The following RASAL2 variants were observed in gnomAD, a reference collection of about 807,000 sequenced individuals.
RASAL2 encodes RAS protein activator like 2, also known as ras GTPase-activating protein nGAP.
Under a neutral mutation model 128.9 loss-of-function variants are expected in RASAL2, and 58 were observed. The observed-to-expected ratio is 0.45, with a 90% CI of 0.36 to 0.56. The LOEUF (loss-of-function observed/expected upper bound fraction) is 0.56, where lower values mean the gene tolerates loss of function less well. Ranked by LOEUF, RASAL2 falls within the 20% of genes least tolerant of loss-of-function variation. RASAL2 has a pLI of 0.00. For missense variants in RASAL2, 1,360 were observed against 1,601.6 expected, an observed-to-expected ratio of 0.85 and a Z score of 2.57; for synonymous variants, 561 against 580.8, an observed-to-expected ratio of 0.97 and a Z score of 0.49.
intron 4 of RASAL2, among the ~76,000 whole-genome samples, chr1:178,407,772 C>T (rs920766098): frequency 1.3e-5 from 2 of 152,154 alleles, no homozygotes; most frequent in South Asian, 2.1e-4. Context: ...TCCCTGTCTC[C>T]GCTTCTCCCT....
chr1:178,416,472 T>C (rs1674764313), intron 4 of RASAL2, among the ~76,000 whole-genome samples: 1 of 152,032 alleles, frequency 6.6e-6, no homozygotes, highest in African/African-American at 2.4e-5. Context: ...CATAATTAAA[T>C]ACATTGTTGT....
intron 1 of RASAL2, among the ~76,000 whole-genome samples, chr1:178,129,909 G>GT (rs1169718990): frequency 1.3e-5 from 2 of 151,818 alleles, no homozygotes; most frequent in East Asian, 1.9e-4. Flanking sequence ...GTGAAAACAT[G>GT]TTTTTTTCTT....
intron 1 of RASAL2, among the ~76,000 whole-genome samples, chr1:178,264,809 G>C (rs765038221): frequency 2.0e-5 from 3 of 152,166 alleles, no homozygotes; most frequent in Non-Finnish European, 2.9e-5. Context: ...TTGGCCATTG[G>C]TGATTAGCTC....
At chr1:178,445,846 T>C (rs1421823500) in intron 9 of RASAL2, among the ~76,000 whole-genome samples, 184 bp downstream of exon 9, 5 of 152,096 alleles carry the variant, frequency 3.3e-5, no homozygotes, top group Admixed American at 1.3e-4. Flanking sequence ...TAATAATAAA[T>C]GTAGAAACAG....
At position 178,372,966 on chromosome 1, in the gene RASAL2, T is replaced by C. The variant is rs1052262539; in HGVS notation, c.458-17134T>C. Among the ~76,000 whole-genome samples the C allele has an allele frequency of 6.1e-4, 93 of 152,268 alleles. 1 individual carries two copies. Among genetic ancestry groups the C allele is most frequent in the Non-Finnish European group, 3.4e-4 (23 of 67,992 alleles). ...CATATCTTAAATGTGATAGAAGAGC[T>C]TGATACTCATTTAAAAACCTATTTG... On this transcript the variant is annotated intron_variant, in intron 3 of 17. Coordinates refer to ENST00000367649, the MANE Select transcript of RASAL2 (RefSeq NM_170692.4).
chr1:178,403,415 T>A (rs1412685425), intron 4 of RASAL2, among the ~76,000 whole-genome samples: 2 of 152,210 alleles, frequency 1.3e-5, no homozygotes, highest in Non-Finnish European at 2.9e-5. Context: ...ATGTGTTTGT[T>A]TTCTGTTTGC....
chr1:178,230,988 C>T (rs1663984395), intron 1 of RASAL2, among the ~76,000 whole-genome samples: 1 of 152,142 alleles, frequency 6.6e-6, no homozygotes. Flanking sequence ...GGAATGTCCT[C>T]AGAAGGTCAT....
In RASAL2 at chr1:178,474,669, T is replaced by C. The variant is rs1430869598; in HGVS notation, c.*1430T>C. Reference sequence around the variant, plus strand: ...ACCAGAAGTATGGAAGGTTACATGTTAAACAGACATTATATATACAAATAT... The same window carrying C: ...ACCAGAAGTATGGAAGGTTACATGTCAAACAGACATTATATATACAAATAT... On this transcript the variant is annotated 3_prime_UTR_variant, in exon 18 of 18. Coordinates refer to ENST00000367649, the MANE Select transcript of RASAL2 (RefSeq NM_170692.4). The C allele has an allele frequency of 6.6e-6, 1 of 151,770 alleles. No homozygotes were observed. The highest frequency in any genetic ancestry group is 2.4e-5 in the African/African-American group (1 of 41,350). 9.4% of individuals were successfully genotyped at this position (151,770 alleles called of 1,614,324 possible). A position where few individuals can be genotyped will look rare whatever the true frequency, so the allele number is the denominator to read the frequency against.
chr1:178,347,561 T>G (rs1670216416), intron 3 of RASAL2, among the ~76,000 whole-genome samples: 1 of 152,124 alleles, frequency 6.6e-6, no homozygotes, highest in Non-Finnish European at 1.5e-5. Context: ...TATAACAAGG[T>G]GTGCAGCTAT....
chr1:178,181,795 ATAGT>A (rs1019127715), intron 1 of RASAL2, among the ~76,000 whole-genome samples: 1 of 150,736 alleles, frequency 6.6e-6, no homozygotes, highest in Non-Finnish European at 1.5e-5. Context: ...TTTTTTAATC[ATAGT>A]TAGACTCAGT....
chr1:178,449,921 A>C (rs1405918862), intron 9 of RASAL2, among the ~76,000 whole-genome samples: 2 of 152,108 alleles, frequency 1.3e-5, no homozygotes, highest in African/African-American at 2.4e-5. Flanking sequence ...TATAACCTAA[A>C]AGAAGTCACT....
intron 15 of RASAL2, 80 bp from the exon 16 acceptor site, chr1:178,465,840 G>C: frequency 1.8e-6 from 2 of 1,103,926 alleles, no homozygotes; most frequent in Non-Finnish European, 2.5e-6. Flanking sequence ...AAGAAAGAAA[G>C]AGAAAGAAAG....
chr1:178,361,280 T>G (rs752976708), intron 3 of RASAL2, among the ~76,000 whole-genome samples: 4 of 151,658 alleles, frequency 2.6e-5, no homozygotes, highest in Non-Finnish European at 4.4e-5. Context: ...TTGATTGTGG[T>G]ATTTTTTTTT....
In RASAL2 at chr1:178,477,991, C is replaced by A. The variant is rs556291254; in HGVS notation, c.*4752C>A. 3.3e-5 allele frequency: 5 copies of A among 152,232 alleles called. No individual in the cohort carries two copies. The South Asian group carries it at 1.0e-3, about 32-fold the overall frequency. The allele number at this position is 152,232 out of a possible 1,614,324, so 9.4% of individuals were successfully genotyped here. A position where few individuals can be genotyped will look rare whatever the true frequency, so the allele number is the denominator to read the frequency against. ...TTTCAGTTCCTGATCAGTTAAGCCT[C>A]AAGTGTTTGAGTAACCAACACAGCA... On this transcript the variant is annotated 3_prime_UTR_variant, in exon 18 of 18. Coordinates refer to ENST00000367649, the MANE Select transcript of RASAL2 (RefSeq NM_170692.4).
chr1:178,226,570 T>C (rs554105852), intron 1 of RASAL2, among the ~76,000 whole-genome samples: 2 of 152,276 alleles, frequency 1.3e-5, no homozygotes, highest in South Asian at 2.1e-4. Flanking sequence ...ACAATTGATA[T>C]TAAGGAAAAA....
intron 9 of RASAL2, among the ~76,000 whole-genome samples, chr1:178,450,586 T>C (rs1360841758): frequency 6.6e-6 from 1 of 152,070 alleles, no homozygotes; most frequent in African/African-American, 2.4e-5. Flanking sequence ...ATGCTGCTAC[T>C]TAGTTTTGCA....
intron 7 of RASAL2, among the ~76,000 whole-genome samples, chr1:178,442,012 T>C (rs896476273): frequency 2.0e-5 from 3 of 151,994 alleles, no homozygotes; most frequent in Non-Finnish European, 4.4e-5. Context: ...AGAGTGTGTG[T>C]GTGAGTGACT....
At chr1:178,464,879 A>G (rs1270482432) in intron 15 of RASAL2, among the ~76,000 whole-genome samples, 1 of 107,426 alleles carries the variant, frequency 9.3e-6, no homozygotes, top group Non-Finnish European at 1.7e-5. Context: ...TAAAGAATGT[A>G]TAGCTCTATA....
intron 1 of RASAL2, among the ~76,000 whole-genome samples, chr1:178,185,596 T>C (rs1334299629): frequency 6.6e-6 from 1 of 151,912 alleles, no homozygotes; most frequent in South Asian, 2.1e-4. Flanking sequence ...AAATCATGAA[T>C]GGGTGTTGGA....
Sources: gnomAD v4.1 joint callset for allele counts (sites outside exome capture counted in the v4.1 genomes callset) on GRCh38, gnomAD v4.1.1 for gene constraint, MANE v1.5 for transcripts, NCBI Gene and HGNC (gene_info 2026-07-23, HGNC 2026-07-21) for gene names.